The following PEMT variants were observed in gnomAD, a reference collection of about 807,000 sequenced individuals.
PEMT encodes the protein phospholipid methyltransferase.
PEMT carries 23 observed loss-of-function variants against 27.4 expected under a neutral mutation model. That is an observed-to-expected ratio of 0.84 (90% CI 0.60 to 1.19). The LOEUF is 1.19. Ranked by LOEUF, PEMT falls within the 50% of genes most tolerant of loss-of-function variation. The pLI is 0.00. For missense variants in PEMT, 307 were observed against 310.1 expected, an observed-to-expected ratio of 0.99 and a Z score of 0.07; for synonymous variants, 137 against 139.1, an observed-to-expected ratio of 0.98 and a Z score of 0.11.
chr17:17,535,564 CAA>C (rs947264627), intron 2 of PEMT, among the ~76,000 whole-genome samples: 2 of 87,254 alleles, frequency 2.3e-5, no homozygotes, highest in Non-Finnish European at 4.7e-5. Flanking sequence ...GACTCCGTCT[CAA>C]GAAAAAAAAA....
At chr17:17,546,480 G>A (rs1319671175) in intron 2 of PEMT, among the ~76,000 whole-genome samples, 2 of 152,238 alleles carry the variant, frequency 1.3e-5, no homozygotes, top group Non-Finnish European at 2.9e-5. Flanking sequence ...GGGGTGCAGT[G>A]GGCATGATCA....
chr17:17,552,362 G>A (rs1163438081), intron 2 of PEMT, among the ~76,000 whole-genome samples: 1 of 152,168 alleles, frequency 6.6e-6, no homozygotes, highest in Non-Finnish European at 1.5e-5. Context: ...ATGCAAAATG[G>A]GTTCCTCCCG....
In PEMT at chr17:17,513,856, C is replaced by T. The variant is rs1165633812; in HGVS notation, c.321-1202G>A. ...ACGGACATGTGTGACCAAATGTGCT[C>T]TTCCCATGCTCACAATAATCACAAC... On this transcript the variant is annotated intron_variant, in intron 3 of 6. Transcript: ENST00000255389. This position sits in a 1 kb window ranked among gnomAD's most constrained non-coding sequence, Gnocchi z 4.1. 1.3e-5 allele frequency among the ~76,000 whole-genome samples: 2 copies of T among 152,166 alleles called. No individual in the cohort carries two copies. The highest frequency in any genetic ancestry group is 2.4e-5 in the African/African-American group (1 of 41,420).
rs950272440 is a variant in PEMT at position 17,556,648 on chromosome 17, A to G, written c.204+20272T>C. Among the ~76,000 whole-genome samples, 9 of 152,108 alleles carry G rather than the reference A, an allele frequency of 5.9e-5. No homozygotes were observed. In the South Asian group the frequency reaches 8.3e-4, roughly 14 times the overall value. On this transcript the variant is annotated intron_variant, in intron 2 of 6. Transcript: ENST00000255389. ...CTCAGCCTCCCAAAGTGCTGGGATT[A>G]CAGGTGTGAGCCGCTGCGCCTGGCC...
intron 2 of PEMT, among the ~76,000 whole-genome samples, chr17:17,575,513 G>C (rs575474410): frequency 6.6e-6 from 1 of 152,358 alleles, no homozygotes; most frequent in South Asian, 2.1e-4. Flanking sequence ...AAAGGAGAGA[G>C]GAAGCATGCA....
chr17:17,586,288 G>GAAA (rs113887195), intron 1 of PEMT, among the ~76,000 whole-genome samples: 862 of 71,946 alleles, frequency 0.012, 63 homozygotes, highest in Admixed American at 0.021. Flanking sequence ...AAGAAAGAAA[G>GAAA]AAAAAAAAAA....
intron 2 of PEMT, among the ~76,000 whole-genome samples, chr17:17,537,203 G>C (rs1908537011): frequency 6.6e-6 from 1 of 152,352 alleles, no homozygotes; most frequent in African/African-American, 2.4e-5. Flanking sequence ...AAAGAAGGAG[G>C]GAGCCAGCAT....
chr17:17,591,110 C>A (rs1912560233), intron 1 of PEMT, among the ~76,000 whole-genome samples: 1 of 152,196 alleles, frequency 6.6e-6, no homozygotes, highest in Non-Finnish European at 1.5e-5. Flanking sequence ...AATCGGCCTC[C>A]TTCACCCTCG....
chr17:17,539,539 A>G (rs1908732334), intron 2 of PEMT, among the ~76,000 whole-genome samples: 1 of 152,200 alleles, frequency 6.6e-6, no homozygotes, highest in South Asian at 2.1e-4. Context: ...TTTTGTGGCT[A>G]CGCAGGATTC....
rs1910476176 is a variant in PEMT at position 17,561,602 on chromosome 17, G to C, written c.204+15318C>G. On this transcript the variant is annotated intron_variant, in intron 2 of 6. Transcript: ENST00000255389. The surrounding 1 kb of genome is among the most constrained non-coding windows in gnomAD (Gnocchi z 4.5). ...CACTCCAGGCACCATCCCGGCCCTT[G>C]CAACAGTGAGCCAGGCAGCTGTGCC... Among the ~76,000 whole-genome samples the C allele has an allele frequency of 6.6e-6, 1 of 152,212 alleles. No individual in the cohort carries two copies. The highest frequency in any genetic ancestry group is 1.5e-5 in the Non-Finnish European group (1 of 68,034).
At chr17:17,576,028 C>T (rs1441193810) in intron 2 of PEMT, among the ~76,000 whole-genome samples, 1 of 152,188 alleles carries the variant, frequency 6.6e-6, no homozygotes, top group Non-Finnish European at 1.5e-5. Flanking sequence ...AGATTAGCCT[C>T]GGGGGTGATC....
At chr17:17,571,470 C>A (rs907985390) in intron 2 of PEMT, among the ~76,000 whole-genome samples, 1 of 151,654 alleles carries the variant, frequency 6.6e-6, no homozygotes, top group Non-Finnish European at 1.5e-5. Context: ...GAGATGCCAG[C>A]TGGCCAGGTG....
chr17:17,559,116 G>A (rs2142683883), intron 2 of PEMT, among the ~76,000 whole-genome samples: 1 of 152,266 alleles, frequency 6.6e-6, no homozygotes, highest in Admixed American at 6.5e-5. Context: ...CAAGGAAACT[G>A]AGTCCCAGAG....
At chr17:17,577,792 C>G (rs1442099464) in intron 1 of PEMT, among the ~76,000 whole-genome samples, 1 of 151,820 alleles carries the variant, frequency 6.6e-6, no homozygotes, top group Admixed American at 6.6e-5. Flanking sequence ...CCGAGGCGGG[C>G]GGATCACGAG....
At position 17,512,358 on chromosome 17, in the gene PEMT, C is replaced by A. The variant is rs112217419; in HGVS notation, c.466+151G>T. On this transcript the variant is annotated intron_variant, in intron 4 of 6. Coordinates refer to ENST00000255389, the MANE Select transcript of PEMT (RefSeq NM_148172.3). This position sits in a 1 kb window ranked among gnomAD's most constrained non-coding sequence, Gnocchi z 6.3. ...GCCTCCTGTTCTAACCACAGACAAGCCAGGCCTGGAGGAGCAAAGACGCCC... is the reference window on the plus strand; with the variant it reads ...GCCTCCTGTTCTAACCACAGACAAGACAGGCCTGGAGGAGCAAAGACGCCC... 11 of 623,332 alleles carry A rather than the reference C, an allele frequency of 1.8e-5. No homozygotes were observed. In the Admixed American group the frequency reaches 3.1e-4, roughly 18 times the overall value. 38.6% of individuals were successfully genotyped at this position (623,332 alleles called of 1,614,324 possible). A position where few individuals can be genotyped will look rare whatever the true frequency, so the allele number is the denominator to read the frequency against.
At chr17:17,586,029 C>G (rs985724345) in intron 1 of PEMT, among the ~76,000 whole-genome samples, 5 of 148,848 alleles carry the variant, frequency 3.4e-5, no homozygotes, top group African/African-American at 7.4e-5. Flanking sequence ...CTTGCAGTGA[C>G]CCAAGATGGC....
intron 5 of PEMT, among the ~76,000 whole-genome samples, chr17:17,508,592 A>G (rs1906089656): frequency 6.6e-6 from 1 of 152,224 alleles, no homozygotes; most frequent in South Asian, 2.1e-4. Flanking sequence ...AAAGCAGTGG[A>G]ACACTGTCTG....
At chr17:17,568,639 G>A (rs1049600046) in intron 2 of PEMT, among the ~76,000 whole-genome samples, 6 of 152,164 alleles carry the variant, frequency 3.9e-5, no homozygotes, top group Admixed American at 3.3e-4. Context: ...CTACAAGGTC[G>A]GCTTTCCCGG....
At chr17:17,576,611 C>G (rs1243347584) in intron 2 of PEMT, among the ~76,000 whole-genome samples, 3 of 152,196 alleles carry the variant, frequency 2.0e-5, no homozygotes, top group Non-Finnish European at 4.4e-5. Context: ...GACTGCCAGG[C>G]ACATGTGACC....
Sources: gnomAD v4.1 joint callset for allele counts (sites outside exome capture counted in the v4.1 genomes callset) on GRCh38, gnomAD v4.1.1 for gene constraint, Gnocchi (gnomAD v3.1) non-coding constraint, MANE v1.5 for transcripts, NCBI Gene and HGNC (gene_info 2026-07-23, HGNC 2026-07-21) for gene names.